Variants in LINGO2 observed in about 807,000 individuals in gnomAD.
LINGO2 encodes the protein leucine-rich repeat and immunoglobulin-like domain-containing nogo receptor-interacting protein 2.
Under a neutral mutation model 30.6 loss-of-function variants are expected in LINGO2, and 14 were observed. That is an observed-to-expected ratio of 0.46 (90% CI 0.30 to 0.72). The LOEUF is 0.72. Among genes scored for constraint, LINGO2 ranks in the 30% least tolerant of loss-of-function variants. LINGO2 has a pLI of 0.07. For missense variants in LINGO2, 729 were observed against 751.7 expected (o/e 0.97, Z 0.35); for synonymous variants, 317 against 288.5 (o/e 1.10, Z -1.00).
the LINGO2 span, among the ~76,000 whole-genome samples, chr9:28,885,527 CAT>C: frequency 6.7e-6 from 1 of 149,906 alleles, no homozygotes; most frequent in South Asian, 2.1e-4. Context: ...CATATGACAA[CAT>C]ATAAACATTT....
chr9:28,582,442 C>T (rs59202079), intron 1 of LINGO2, among the ~76,000 whole-genome samples: 40,739 of 151,842 alleles, frequency 0.27, 5,765 homozygotes, highest in Admixed American at 0.41. Context: ...CTCCAGTAAC[C>T]GTGCTTCTGA....
At chr9:28,377,821 G>A (rs1387210133) in intron 2 of LINGO2, among the ~76,000 whole-genome samples, 1 of 152,112 alleles carries the variant, frequency 6.6e-6, no homozygotes, top group African/African-American at 2.4e-5. Flanking sequence ...TGCAATAAAT[G>A]TAAGGATTTT....
chr9:28,549,914 A>G (rs1474291206), intron 1 of LINGO2, among the ~76,000 whole-genome samples: 2 of 151,906 alleles, frequency 1.3e-5, no homozygotes, highest in Admixed American at 6.6e-5. Context: ...ACATAAAACT[A>G]AAAATTGACA....
intron 3 of LINGO2, among the ~76,000 whole-genome samples, chr9:28,328,996 G>A (rs1825326337): frequency 2.0e-5 from 3 of 152,016 alleles, no homozygotes. Context: ...TACATTGAAT[G>A]GCCTTCACAG....
intron 1 of LINGO2, among the ~76,000 whole-genome samples, chr9:28,642,057 TTA>T (rs1186783698): frequency 2.3e-5 from 3 of 131,368 alleles, no homozygotes; most frequent in African/African-American, 9.5e-5. Flanking sequence ...CATTTAAATG[TTA>T]TATATGTGTG....
intron 2 of LINGO2, among the ~76,000 whole-genome samples, chr9:28,396,464 G>T (rs1237151167): frequency 6.6e-6 from 1 of 152,020 alleles, no homozygotes; most frequent in East Asian, 1.9e-4. Flanking sequence ...CAGCACTTTG[G>T]GAGGCCGAGG....
intron 4 of LINGO2, among the ~76,000 whole-genome samples, chr9:28,290,605 A>C (rs891619345): frequency 6.6e-6 from 1 of 152,160 alleles, no homozygotes; most frequent in Non-Finnish European, 1.5e-5. Flanking sequence ...GATTGACTAA[A>C]ACTAGAGGTT....
intron 4 of LINGO2, among the ~76,000 whole-genome samples, chr9:28,222,217 G>A (rs969089066): frequency 3.3e-5 from 5 of 152,114 alleles, no homozygotes; most frequent in African/African-American, 1.2e-4. Context: ...ATTCAACTGT[G>A]ATAAAAATGT....
At chr9:28,784,201 T>A in the LINGO2 span, among the ~76,000 whole-genome samples, 1 of 152,234 alleles carries the variant, frequency 6.6e-6, no homozygotes, top group Admixed American at 6.5e-5. Context: ...AAGGAGAGAT[T>A]GGTGTGTGTT....
chr9:28,785,703 C>T, the LINGO2 span, among the ~76,000 whole-genome samples: 13 of 147,294 alleles, frequency 8.8e-5, no homozygotes, highest in Non-Finnish European at 1.8e-4. Flanking sequence ...CACACACACA[C>T]ACATGCACAC....
chr9:28,785,698 AC>A, the LINGO2 span, among the ~76,000 whole-genome samples: 1 of 146,084 alleles, frequency 6.8e-6, no homozygotes, highest in Non-Finnish European at 1.5e-5. Flanking sequence ...ACACACACAC[AC>A]ACACACATGC....
At chr9:28,639,641 A>G (rs1352323896) in intron 1 of LINGO2, among the ~76,000 whole-genome samples, 1 of 152,004 alleles carries the variant, frequency 6.6e-6, no homozygotes, top group Non-Finnish European at 1.5e-5. Flanking sequence ...TAGGATTGCA[A>G]CCCCTGCCTT....
At chr9:28,390,574 G>GAAA (rs74180802) in intron 2 of LINGO2, among the ~76,000 whole-genome samples, 2 of 145,174 alleles carry the variant, frequency 1.4e-5, no homozygotes, top group Non-Finnish European at 1.5e-5. Flanking sequence ...ATACATAAAT[G>GAAA]AAAAAAAAAA....
At chr9:28,465,409 T>C (rs2135141992) in intron 2 of LINGO2, among the ~76,000 whole-genome samples, 1 of 152,266 alleles carries the variant, frequency 6.6e-6, no homozygotes, top group African/African-American at 2.4e-5. Flanking sequence ...GATGCTTCTT[T>C]CTTTTGTGTG....
intron 5 of LINGO2, among the ~76,000 whole-genome samples, chr9:28,009,913 T>G (rs1219633839): frequency 6.6e-6 from 1 of 152,198 alleles, no homozygotes; most frequent in African/African-American, 2.4e-5. Flanking sequence ...TACAAAAACT[T>G]GCATGTGAAC....
At chr9:28,241,388 C>G (rs1821792119) in intron 4 of LINGO2, among the ~76,000 whole-genome samples, 1 of 150,800 alleles carries the variant, frequency 6.6e-6, no homozygotes, top group Non-Finnish European at 1.5e-5. Flanking sequence ...AAGATCCAAA[C>G]AGTGTGCAAG....
chr9:28,372,047 T>C (rs570112124), intron 3 of LINGO2, among the ~76,000 whole-genome samples: 3 of 152,222 alleles, frequency 2.0e-5, no homozygotes, highest in Admixed American at 6.6e-5. Context: ...CTAGGATTCA[T>C]TGATAAAAAT....
At chr9:29,097,144 T>C in the LINGO2 span, among the ~76,000 whole-genome samples, 9 of 138,768 alleles carry the variant, frequency 6.5e-5, 2 homozygotes, top group East Asian at 2.2e-3. Flanking sequence ...GTTCTTGCTT[T>C]TCATATATCG....
At chr9:28,300,841 A>G (rs73431343) in intron 3 of LINGO2, among the ~76,000 whole-genome samples, 9,441 of 144,878 alleles carry the variant, frequency 0.065, 759 homozygotes, top group African/African-American at 0.19. Context: ...TAAACCAACA[A>G]ATTATGGAAG....
Sources: allele counts gnomAD v4.1 joint callset (sites outside exome capture counted in the v4.1 genomes callset), GRCh38; gene constraint gnomAD v4.1.1; transcripts MANE v1.5; gene names NCBI Gene and HGNC (gene_info 2026-07-23, HGNC 2026-07-21).